Variants in TMEM94 observed in about 807,000 individuals in gnomAD.
TMEM94 encodes the protein transmembrane protein 94.
TMEM94 carries 81 observed loss-of-function variants against 158.6 expected under a neutral mutation model. That is an observed-to-expected ratio of 0.51 (90% CI 0.43 to 0.61). The LOEUF is 0.61. Among genes scored for constraint, TMEM94 ranks in the 20% least tolerant of loss-of-function variants. The pLI is 0.00. For synonymous variants in TMEM94, 751 were observed against 730.7 expected, an observed-to-expected ratio of 1.03 and a Z score of -0.45; for missense variants, 1,435 against 1,762.0, an observed-to-expected ratio of 0.81 and a Z score of 3.32.
Position 75,491,850 on chromosome 17 carries a change from A to T in TMEM94, c.1546A>T (p.Asn516Tyr). The change falls in exon 14 of 32, where the codon AAC (asparagine) becomes TAC (tyrosine). Residue 516 changes from asparagine to tyrosine, a missense_variant. Physicochemically the swap from Asn to Tyr is moderately radical, Grantham distance 143. Transcript: ENST00000314256. The surrounding 1 kb of genome is among the most constrained non-coding windows in gnomAD (Gnocchi z 5.1). Reference sequence around the variant, plus strand: ...CCGCAGCAAACACCCATCTGGCTCCAACGTGAGCTTCAGCAGGGACACCGA... The same window carrying T: ...CCGCAGCAAACACCCATCTGGCTCCTACGTGAGCTTCAGCAGGGACACCGA... The part of the protein sequence containing the change: ...HGRSKHPSGS[N>Y]VSFSRDTEGG... 1.9e-6 allele frequency: 3 copies of T among 1,614,040 alleles called. No homozygotes were observed. The highest frequency in any genetic ancestry group is 2.5e-6 in the Non-Finnish European group (3 of 1,179,994).
Position 75,485,804 on chromosome 17 carries a change from CG to C in TMEM94, c.145-62del. The stretch of plus-strand genomic sequence containing the variant: ...CGGCCATGGGGGCTGGGAAGGGTGC[CG>C]GGGGAGGCAGCCAGATTGGAGTGGG... On this transcript the variant is annotated intron_variant, in intron 3 of 31. Transcript: ENST00000314256. This position sits in a 1 kb window ranked among gnomAD's most constrained non-coding sequence, Gnocchi z 5.5. The C allele has an allele frequency of 2.6e-6, 4 of 1,524,134 alleles. No homozygotes were observed. Among genetic ancestry groups the C allele is most frequent in the Non-Finnish European group, 2.7e-6 (3 of 1,128,542 alleles). 94.4% of individuals were successfully genotyped at this position (1,524,134 alleles called of 1,614,324 possible). A position where few individuals can be genotyped will look rare whatever the true frequency, so the allele number is the denominator to read the frequency against.
At chr17:75,477,238 G>A (rs1393926826) in intron 2 of TMEM94, among the ~76,000 whole-genome samples, 1 of 152,210 alleles carries the variant, frequency 6.6e-6, no homozygotes, top group East Asian at 1.9e-4. Flanking sequence ...GCCAGGAAAA[G>A]GAGGAAGCAG....
At chr17:75,486,563 A>G (rs2051630751) in intron 5 of TMEM94, 137 bp downstream of exon 5, 1 of 1,075,946 alleles carries the variant, frequency 9.3e-7, no homozygotes, top group South Asian at 1.5e-5. Flanking sequence ...CTGGGGAGTT[A>G]GAAGGATGCC....
intron 2 of TMEM94, among the ~76,000 whole-genome samples, chr17:75,480,302 C>T (rs1035432653): frequency 1.1e-4 from 16 of 152,218 alleles, no homozygotes; most frequent in South Asian, 4.1e-4. Flanking sequence ...CACGTAATTA[C>T]AGAATGGCTT....
At chr17:75,483,208 G>C (rs2051313707) in intron 2 of TMEM94, among the ~76,000 whole-genome samples, 1 of 152,154 alleles carries the variant, frequency 6.6e-6, no homozygotes, top group African/African-American at 2.4e-5. Flanking sequence ...ACATCTGAAG[G>C]GTCTCCAGGA....
At chr17:75,480,197 A>G (rs1011413290) in intron 2 of TMEM94, among the ~76,000 whole-genome samples, 1 of 152,212 alleles carries the variant, frequency 6.6e-6, no homozygotes, top group East Asian at 1.9e-4. Flanking sequence ...GCAGTTGGAT[A>G]AGCTCAGCTG....
At chr17:75,471,776 G>A in intron 1 of TMEM94, 24 bp from the exon 2 acceptor site, 2 of 907,590 alleles carry the variant, frequency 2.2e-6, no homozygotes, top group Admixed American at 2.1e-5. Flanking sequence ...CAACCTGAGT[G>A]ATTTCTTTCT....
Position 75,489,523 on chromosome 17 carries a change from T to C in TMEM94, c.868-53T>C, listed in dbSNP as rs1463503107. On this transcript the variant is annotated intron_variant, in intron 8 of 31. Transcript: ENST00000314256. The surrounding 1 kb of genome is among the most constrained non-coding windows in gnomAD (Gnocchi z 5.0). The stretch of plus-strand genomic sequence containing the variant: ...GCAAAGGAAGGGGAACGGCAGTGCC[T>C]GGGTCCCTCTAGAGGGGCGGGGTCA... 2.6e-6 allele frequency: 4 copies of C among 1,543,818 alleles called. No homozygotes were observed. The highest frequency in any genetic ancestry group is 3.6e-6 in the Non-Finnish European group (4 of 1,116,362).
intron 31 of TMEM94, 54 bp from the exon 32 acceptor site, chr17:75,499,208 G>T (rs1416127490): frequency 9.3e-6 from 15 of 1,606,898 alleles, no homozygotes; most frequent in Non-Finnish European, 1.3e-5. Context: ...TCCTGCCCCG[G>T]CCCCTGGTCT....
At position 75,491,193 on chromosome 17, in the gene TMEM94, C is replaced by A; in HGVS notation, c.1233+40C>A. The A allele has an allele frequency of 1.3e-6, 2 of 1,593,552 alleles. No homozygotes were observed. The highest frequency in any genetic ancestry group is 8.6e-7 in the Non-Finnish European group (1 of 1,166,892). On this transcript the variant is annotated intron_variant, in intron 12 of 31. Transcript: ENST00000314256. The surrounding 1 kb of genome is among the most constrained non-coding windows in gnomAD (Gnocchi z 5.1). Reference sequence around the variant, plus strand: ...TGCGGGGAGGAGGCAACTGTCATGCCCGCCCTGCTCTCTGGCTGGGCCTGG... The same window carrying A: ...TGCGGGGAGGAGGCAACTGTCATGCACGCCCTGCTCTCTGGCTGGGCCTGG...
Position 75,495,711 on chromosome 17 carries a change from T to A in TMEM94, c.2944+68T>A. On this transcript the variant is annotated intron_variant, in intron 22 of 31. Transcript: ENST00000314256. This position sits in a 1 kb window ranked among gnomAD's most constrained non-coding sequence, Gnocchi z 5.6. ...CGGCTGAGCTCTGCCTGGGCCTGCG[T>A]ACCCCGTGGGCTCTGGAGGGATGTA... The A allele has an allele frequency of 1.4e-6, 2 of 1,456,460 alleles. No individual in the cohort carries two copies. The highest frequency in any genetic ancestry group is 1.9e-6 in the Non-Finnish European group (2 of 1,042,090). 90.2% of individuals were successfully genotyped at this position (1,456,460 alleles called of 1,614,324 possible).
rs772554905 is a variant in TMEM94, at chr17:75,492,453, TCTC to T, written c.1597-16_1597-14del. 46 of 1,557,988 alleles carry T rather than the reference TCTC, an allele frequency of 3.0e-5. No individual in the cohort carries two copies. The South Asian group carries it at 5.1e-4, about 17-fold the overall frequency. On this transcript the variant is annotated intron_variant, in intron 14 of 31. Coordinates refer to ENST00000314256, the MANE Select transcript of TMEM94 (RefSeq NM_014738.6). This position sits in a 1 kb window ranked among gnomAD's most constrained non-coding sequence, Gnocchi z 4.4. Reference sequence around the variant, plus strand: ...CCCACACCCTATCCCGGGCTGAGGCTCTCCTCCACATTTCCCCCAGACCCAGCC... The same window carrying T: ...CCCACACCCTATCCCGGGCTGAGGCTCTCCACATTTCCCCCAGACCCAGCC...
At chr17:75,475,615 A>C (rs1186580064) in intron 2 of TMEM94, among the ~76,000 whole-genome samples, 1 of 152,206 alleles carries the variant, frequency 6.6e-6, no homozygotes, top group Non-Finnish European at 1.5e-5. Flanking sequence ...ATGCCTCTGG[A>C]GCCATGACTC....
chr17:75,486,345 C>A lies in TMEM94; in HGVS notation c.328C>A (p.Leu110Ile). ...SALFLLLLLN[L>I]VLIGRQDRLK... ...CTTGTTCCTGTTACTGCTTCTCAAC[C>A]TTGTGCTCATCGGGCGGCAAGACCG... is the stretch of plus-strand genomic sequence containing the variant. The change falls in exon 5 of 32, where the codon CTT (leucine) becomes ATT (isoleucine). Residue 110 changes from leucine (L) to isoleucine (I), a missense_variant. Around this residue, in one of 3 missense-constraint regions of TMEM94, gnomAD observed 1,051 missense variants for 1,254.4 expected, o/e 0.84. Transcript: ENST00000314256. The A allele has an allele frequency of 2.5e-6, 4 of 1,614,216 alleles. No homozygotes were observed. Among genetic ancestry groups the A allele is most frequent in the Non-Finnish European group, 3.4e-6 (4 of 1,180,038 alleles).
At position 75,489,982 on chromosome 17, in the gene TMEM94, G is replaced by T. The variant is rs2052004527; in HGVS notation, c.955-252G>T. 2 of 574,428 alleles carry T rather than the reference G, an allele frequency of 3.5e-6. No homozygotes were observed. The highest frequency in any genetic ancestry group is 6.2e-6 in the Non-Finnish European group (2 of 325,134). The allele number at this position is 574,428 out of a possible 1,614,324, so 35.6% of individuals were successfully genotyped here. A position where few individuals can be genotyped will look rare whatever the true frequency, so the allele number is the denominator to read the frequency against. On this transcript the variant is annotated intron_variant, in intron 9 of 31. Transcript: ENST00000314256. This position sits in a 1 kb window ranked among gnomAD's most constrained non-coding sequence, Gnocchi z 5.0. ...TGGTCCCAGCCATTCAGGTGGCTGA[G>T]GTGGGAGAATCCCTTGAACCTGGGA... is the stretch of plus-strand genomic sequence containing the variant.
At position 75,491,713 on chromosome 17, in the gene TMEM94, T is replaced by C. The variant is rs2052205452; in HGVS notation, c.1409T>C (p.Leu470Pro). 1 of 1,614,066 alleles carries C rather than the reference T, an allele frequency of 6.2e-7. No individual in the cohort carries two copies. The highest frequency in any genetic ancestry group is 2.2e-5 in the East Asian group (1 of 44,884). Residue 470 changes from leucine (L) to proline (P), a missense_variant, in exon 14 of 32, where the codon CTG (leucine) becomes CCG (proline). By Grantham distance (98) the Leu-to-Pro change is moderately conservative. This residue lies in a region of TMEM94 where 1,051 missense variants were observed against 1,254.4 expected (regional missense o/e 0.84). Coordinates refer to ENST00000314256, the MANE Select transcript of TMEM94 (RefSeq NM_014738.6). The surrounding 1 kb of genome is among the most constrained non-coding windows in gnomAD (Gnocchi z 5.1). ...CAGCCCCATGAACGAGACGCCCTCC[T>C]GGCTGGCTCCCTGAACAACACCCTG... ...HPEPHERDAL[L>P]AGSLNNTLHL...
Position 75,499,063 on chromosome 17 carries a change from G to A in TMEM94, c.3979G>A (p.Val1327Met), listed in dbSNP as rs954205509. 1.9e-6 allele frequency: 3 copies of A among 1,591,126 alleles called. No homozygotes were observed. The highest frequency in any genetic ancestry group is 1.7e-5 in the Admixed American group (1 of 58,946). The change falls in exon 31 of 32, where the codon GTG (valine) becomes ATG (methionine). Residue 1327 changes from valine (V) to methionine (M), a missense_variant. This residue lies in a region of TMEM94 where 335 missense variants were observed against 409.1 expected (regional missense o/e 0.82). Transcript: ENST00000314256. ...LVLVVVTNEI[V>M]KLHEIRVRVR... ...CCTTGTGGTGGTGACCAATGAGATC[G>A]TGAAGCTACATGAGATTCGGTGAGC... is the stretch of plus-strand genomic sequence containing the variant.
At chr17:75,464,036 A>G (rs2050200805) in intron 1 of TMEM94, among the ~76,000 whole-genome samples, 1 of 152,190 alleles carries the variant, frequency 6.6e-6, no homozygotes, top group South Asian at 2.1e-4. Flanking sequence ...AGATTGTGCT[A>G]GAAGGGATTA....
intron 18 of TMEM94, among the ~76,000 whole-genome samples, chr17:75,494,204 C>T (rs1018852557): frequency 6.6e-6 from 1 of 152,200 alleles, no homozygotes; most frequent in East Asian, 1.9e-4. Flanking sequence ...TACCAAGCAG[C>T]GTTCCTAGAG....
Sources: allele counts gnomAD v4.1 joint callset (sites outside exome capture counted in the v4.1 genomes callset), GRCh38; gene constraint gnomAD v4.1.1; regional missense constraint gnomAD v4.1.1; non-coding constraint Gnocchi (gnomAD v3.1); transcripts MANE v1.5; gene names NCBI Gene and HGNC (gene_info 2026-07-23, HGNC 2026-07-21).